Variants in SKAP1 observed in about 807,000 individuals in gnomAD.
SKAP1 encodes the protein src kinase-associated phosphoprotein 1.
Under a neutral mutation model 58.5 loss-of-function variants are expected in SKAP1, and 44 were observed. The observed-to-expected ratio is 0.75, with a 90% confidence interval of 0.59 to 0.97. SKAP1 has a LOEUF of 0.97. Ranked by LOEUF, SKAP1 falls within the 50% of genes least tolerant of loss-of-function variation. The pLI, the probability that SKAP1 is intolerant of heterozygous loss-of-function variation, is 0.00. For missense variants in SKAP1, 390 were observed against 435.2 expected (o/e 0.90, Z 0.92); for synonymous variants, 127 against 149.7 (o/e 0.85, Z 1.11).
intron 4 of SKAP1, among the ~76,000 whole-genome samples, chr17:48,326,207 T>A (rs1334053198): frequency 1.3e-5 from 2 of 152,236 alleles, no homozygotes; most frequent in African/African-American, 4.8e-5. Flanking sequence ...TGTACATACA[T>A]CCTGCTCTTT....
rs528400589 is a variant in SKAP1 at position 48,178,135 on chromosome 17, A to G, written c.826+1919T>C. Among the ~76,000 whole-genome samples, 81 of 152,240 alleles carry G rather than the reference A, an allele frequency of 5.3e-4. 1 individual carries two copies. The highest frequency in any genetic ancestry group is 2.8e-3 in the Admixed American group (43 of 15,282). ...GAGAAAGATGGTCATTAGGAAGCCA[A>G]TCATACCTTCATTGCCCACTCCTGG... is the stretch of plus-strand genomic sequence containing the variant. On this transcript the variant is annotated intron_variant, in intron 9 of 12. Transcript: ENST00000336915.
At chr17:48,395,077 C>A (rs2067398445) in intron 2 of SKAP1, among the ~76,000 whole-genome samples, 1 of 152,162 alleles carries the variant, frequency 6.6e-6, no homozygotes, top group Non-Finnish European at 1.5e-5. Flanking sequence ...ACACAAAGTT[C>A]TTTGAGAACA....
At chr17:48,444,613 G>A in the SKAP1 span, among the ~76,000 whole-genome samples, 1 of 152,160 alleles carries the variant, frequency 6.6e-6, no homozygotes, top group Non-Finnish European at 1.5e-5. Flanking sequence ...CTAAAGCTGT[G>A]GTTGCCAAGG....
At chr17:48,258,118 T>C (rs1389203008) in intron 4 of SKAP1, among the ~76,000 whole-genome samples, 1 of 152,146 alleles carries the variant, frequency 6.6e-6, no homozygotes, top group African/African-American at 2.4e-5. Context: ...GTTAAAGTGA[T>C]GCTCTTAGGT....
intron 2 of SKAP1, among the ~76,000 whole-genome samples, chr17:48,385,467 G>A (rs545868652): frequency 2.0e-5 from 3 of 152,226 alleles, no homozygotes; most frequent in East Asian, 3.9e-4. Context: ...CTAAATTTAA[G>A]AAAGAGGAAG....
intron 1 of SKAP1, among the ~76,000 whole-genome samples, chr17:48,425,504 G>T (rs893127429): frequency 6.6e-6 from 1 of 152,022 alleles, no homozygotes; most frequent in African/African-American, 2.4e-5. Flanking sequence ...CATAAAAAAG[G>T]AATAGAACTA....
At chr17:48,216,962 C>T (rs12945535) in intron 4 of SKAP1, among the ~76,000 whole-genome samples, 12 of 152,014 alleles carry the variant, frequency 7.9e-5, no homozygotes, top group South Asian at 4.1e-4. Flanking sequence ...CCATTTTCAG[C>T]GTTTCATGTG....
chr17:48,200,243 G>A (rs2064709790), intron 4 of SKAP1, among the ~76,000 whole-genome samples: 1 of 151,660 alleles, frequency 6.6e-6, no homozygotes. Flanking sequence ...GTTGCGGTGA[G>A]CCGAGATCAT....
intron 2 of SKAP1, among the ~76,000 whole-genome samples, chr17:48,395,788 G>T (rs1434692089): frequency 2.6e-5 from 4 of 152,196 alleles, no homozygotes; most frequent in Non-Finnish European, 4.4e-5. Context: ...GGCATCTCAT[G>T]AGGTTCTCTC....
chr17:48,165,547 C>T (rs867149596), intron 10 of SKAP1, among the ~76,000 whole-genome samples: 1 of 151,866 alleles, frequency 6.6e-6, no homozygotes, highest in Non-Finnish European at 1.5e-5. Context: ...ATTACAGGCA[C>T]GTGCCACCAC....
chr17:48,444,063 G>A, the SKAP1 span, among the ~76,000 whole-genome samples: 2 of 151,824 alleles, frequency 1.3e-5, no homozygotes, highest in Non-Finnish European at 2.9e-5. Flanking sequence ...AAACTTCAAC[G>A]GTATTTTCTA....
At chr17:48,168,857 G>A (rs1163267154) in intron 10 of SKAP1, among the ~76,000 whole-genome samples, 1 of 152,174 alleles carries the variant, frequency 6.6e-6, no homozygotes, top group Non-Finnish European at 1.5e-5. Flanking sequence ...TTGGATTTAT[G>A]TATTTTTCAC....
chr17:48,244,081 T>C (rs1179351037), intron 4 of SKAP1, among the ~76,000 whole-genome samples: 1 of 152,214 alleles, frequency 6.6e-6, no homozygotes, highest in Non-Finnish European at 1.5e-5. Context: ...ATTCTACTTA[T>C]AATAATGTTA....
chr17:48,266,611 C>T lies in SKAP1; in HGVS notation c.281-77111G>A, dbSNP rs185094954. On this transcript the variant is annotated intron_variant, in intron 4 of 12. Coordinates refer to ENST00000336915, the MANE Select transcript of SKAP1 (RefSeq NM_003726.4). Reference sequence around the variant, plus strand: ...CTGTAAGCTCCGCCTCCCAGGTTCACGCCATTCTCCTGCCTCAGCCTCCCG... The same window carrying T: ...CTGTAAGCTCCGCCTCCCAGGTTCATGCCATTCTCCTGCCTCAGCCTCCCG... Among the ~76,000 whole-genome samples, 620 of 150,992 alleles carry T rather than the reference C, an allele frequency of 4.1e-3. 8 individuals carry two copies. The highest frequency in any genetic ancestry group is 0.014 in the African/African-American group (593 of 41,118).
intron 11 of SKAP1, among the ~76,000 whole-genome samples, chr17:48,144,413 T>C (rs2063804577): frequency 6.6e-6 from 1 of 152,124 alleles, no homozygotes; most frequent in Non-Finnish European, 1.5e-5. Flanking sequence ...GAGTCCACAA[T>C]TGCTCATAAT....
At chr17:48,230,551 G>T (rs1187611070) in intron 4 of SKAP1, among the ~76,000 whole-genome samples, 1 of 152,074 alleles carries the variant, frequency 6.6e-6, no homozygotes, top group Non-Finnish European at 1.5e-5. Context: ...GGCCAGGAGT[G>T]TGAGACCAGC....
At chr17:48,216,273 T>G (rs936333183) in intron 4 of SKAP1, among the ~76,000 whole-genome samples, 1 of 152,172 alleles carries the variant, frequency 6.6e-6, no homozygotes, top group Non-Finnish European at 1.5e-5. Context: ...TTGATCTTGT[T>G]TGAGTTATAG....
intron 4 of SKAP1, among the ~76,000 whole-genome samples, chr17:48,338,687 A>G (rs1331093508): frequency 6.6e-6 from 1 of 152,182 alleles, no homozygotes; most frequent in Non-Finnish European, 1.5e-5. Context: ...GAGTTTAAAC[A>G]CACACCAACA....
chr17:48,431,709 T>TA (rs1290303098), upstream of SKAP1, among the ~76,000 whole-genome samples: 4 of 152,164 alleles, frequency 2.6e-5, no homozygotes, highest in African/African-American at 9.7e-5. Context: ...TCCTTCTTTG[T>TA]AAAAAATGGC....
Sources: allele counts gnomAD v4.1 joint callset (sites outside exome capture counted in the v4.1 genomes callset), GRCh38; gene constraint gnomAD v4.1.1; transcripts MANE v1.5; gene names NCBI Gene and HGNC (gene_info 2026-07-23, HGNC 2026-07-21).